HS3ST5: variants seen among roughly 807,000 people sequenced by gnomAD.
HS3ST5 encodes the protein heparan sulfate-glucosamine 3-sulfotransferase 5, also known as heparan sulfate glucosamine 3-O-sulfotransferase 5.
A neutral mutation model predicts 25.4 loss-of-function variants in HS3ST5; 10 were observed. That is an observed-to-expected ratio of 0.39 (90% CI 0.24 to 0.67). The LOEUF (loss-of-function observed/expected upper bound fraction) is 0.67. HS3ST5 is among the 30% of genes least tolerant of loss of function. HS3ST5 has a pLI of 0.44. For missense variants in HS3ST5, 324 were observed against 420.7 expected (o/e 0.77, Z 2.01); for synonymous variants, 170 against 162.4 (o/e 1.05, Z -0.36).
At chr6:114,254,308 C>G (rs983182486) in intron 1 of HS3ST5, among the ~76,000 whole-genome samples, 3 of 152,182 alleles carry the variant, frequency 2.0e-5, no homozygotes, top group Non-Finnish European at 4.4e-5. Flanking sequence ...TTCAACATGG[C>G]TTCAAAATAG....
intron 2 of HS3ST5, among the ~76,000 whole-genome samples, chr6:114,185,976 TG>T (rs1243777756): frequency 1.3e-5 from 2 of 152,138 alleles, no homozygotes; most frequent in African/African-American, 4.8e-5. Context: ...ATGTTACTAC[TG>T]TAATTATTTT....
Position 114,057,426 on chromosome 6 carries a change from C to T in HS3ST5, c.872G>A (p.Gly291Glu). 6.2e-7 allele frequency: 1 copy of T among 1,614,130 alleles called. No homozygotes were observed. Among genetic ancestry groups the T allele is most frequent in the Non-Finnish European group, 8.5e-7 (1 of 1,180,032 alleles). The change falls in exon 5 of 5, where the codon GGG (glycine) becomes GAG (glutamate). Residue 291 changes from glycine (G) to glutamate (E), a missense_variant. Around this residue, in one of 2 missense-constraint regions of HS3ST5, gnomAD observed 203 missense variants for 303.4 expected, o/e 0.67. Transcript: ENST00000312719. ...AATATTAAACCGCAAGCAGTAAAAC[C>T]CTCTGGTAGCATTGAAGTATAAATT... is the stretch of plus-strand genomic sequence containing the variant. Reference protein sequence around the residue: ...QYNLYFNATRGFYCLRFNIIF... With the variant: ...QYNLYFNATREFYCLRFNIIF...
chr6:114,066,966 A>T (rs577002900), intron 3 of HS3ST5, among the ~76,000 whole-genome samples: 1 of 152,306 alleles, frequency 6.6e-6, no homozygotes, highest in African/African-American at 2.4e-5. Context: ...CTGAGGTCCC[A>T]GTGTGGACAG....
chr6:114,058,447 T>C (rs3749862), intron 4 of HS3ST5, among the ~76,000 whole-genome samples: 14,196 of 152,278 alleles, frequency 0.093, 786 homozygotes, highest in East Asian at 0.23. Context: ...CTACGGCGTG[T>C]ACTTCTGTTT....
rs137997058 is a variant in HS3ST5, at chr6:114,095,716, T to C, written c.-32-32839A>G. 2.0e-5 allele frequency among the ~76,000 whole-genome samples: 3 copies of C among 152,154 alleles called. No individual in the cohort carries two copies. In the East Asian group the frequency reaches 5.8e-4, roughly 29 times the overall value. The stretch of plus-strand genomic sequence containing the variant: ...TGTTCACTCTGACTTGGAATCTTAT[T>C]CCCCCTCTAATTTATCCTCACGTCT... On this transcript the variant is annotated intron_variant, in intron 3 of 4. Coordinates refer to ENST00000312719, the MANE Select transcript of HS3ST5 (RefSeq NM_153612.4).
In HS3ST5 at chr6:114,058,054, G is replaced by C. The variant is rs544926335; in HGVS notation, c.244C>G (p.Arg82Gly). 101 of 1,614,042 alleles carry C rather than the reference G, an allele frequency of 6.3e-5. No homozygotes were observed. The highest frequency in any genetic ancestry group is 8.3e-5 in the Non-Finnish European group (98 of 1,180,042). Residue 82 changes from arginine to glycine, a missense_variant, in exon 5 of 5, where the codon CGC becomes GGC. By Grantham distance (125) the Arg-to-Gly change is moderately radical. Transcript: ENST00000312719. ...AGCTGCTGGACCAGGTCATGGAGGC[G>C]AACCTGCTCCTTGGAAGCGTTGCCC... ...RKGNASKEQV[R>G]LHDLVQQLPK... is the part of the protein sequence containing the mutation.
intron 2 of HS3ST5, among the ~76,000 whole-genome samples, chr6:114,171,348 G>C (rs1416927253): frequency 2.0e-5 from 3 of 152,156 alleles, no homozygotes; most frequent in African/African-American, 7.2e-5. Context: ...TAAACAAACA[G>C]TTTAAATAGT....
At chr6:114,169,581 G>A (rs2115000497) in intron 2 of HS3ST5, among the ~76,000 whole-genome samples, 1 of 152,190 alleles carries the variant, frequency 6.6e-6, no homozygotes, top group South Asian at 2.1e-4. Flanking sequence ...TGGCTCCTTT[G>A]CTTGTGAGAA....
intron 1 of HS3ST5, among the ~76,000 whole-genome samples, chr6:114,285,978 T>TA (rs1265192452): frequency 2.6e-5 from 4 of 151,636 alleles, no homozygotes; most frequent in South Asian, 2.1e-4. Flanking sequence ...TCCCATTTAT[T>TA]AAAAAAAATC....
chr6:114,072,820 G>T lies in HS3ST5; in HGVS notation c.-32-9943C>A, dbSNP rs906828281. Reference sequence around the variant, plus strand: ...GTAAATTTCATATGGAATCAAAAAAGAGCCCACATAGCCAAGACAATCCTA... The same window carrying T: ...GTAAATTTCATATGGAATCAAAAAATAGCCCACATAGCCAAGACAATCCTA... On this transcript the variant is annotated intron_variant, in intron 3 of 4. Coordinates refer to ENST00000312719, the MANE Select transcript of HS3ST5 (RefSeq NM_153612.4). 3.9e-5 allele frequency among the ~76,000 whole-genome samples: 6 copies of T among 152,258 alleles called. No homozygotes were observed. In the East Asian group the frequency reaches 7.7e-4, roughly 20 times the overall value.
At chr6:114,186,812 T>C (rs1225350086) in intron 2 of HS3ST5, among the ~76,000 whole-genome samples, 1 of 152,226 alleles carries the variant, frequency 6.6e-6, no homozygotes, top group African/African-American at 2.4e-5. Context: ...CTGCCTCTCG[T>C]ATTAGGGGCT....
chr6:114,331,177 A>G (rs1341226683), intron 1 of HS3ST5, among the ~76,000 whole-genome samples: 1 of 152,218 alleles, frequency 6.6e-6, no homozygotes, highest in Non-Finnish European at 1.5e-5. Context: ...AGATAATAAA[A>G]CTAGGCCCTT....
chr6:114,096,202 A>G (rs539403503), intron 3 of HS3ST5, among the ~76,000 whole-genome samples: 2 of 152,288 alleles, frequency 1.3e-5, no homozygotes, highest in South Asian at 4.1e-4. Context: ...GTCCAAGGGA[A>G]CATCACCCTT....
At chr6:114,207,363 T>C (rs1325281849) in intron 2 of HS3ST5, among the ~76,000 whole-genome samples, 1 of 152,156 alleles carries the variant, frequency 6.6e-6, no homozygotes, top group Non-Finnish European at 1.5e-5. Context: ...GTGATATATA[T>C]TATGGACAAA....
chr6:114,159,635 G>A (rs1778847241), intron 3 of HS3ST5, among the ~76,000 whole-genome samples: 1 of 152,152 alleles, frequency 6.6e-6, no homozygotes. Context: ...TAGTTACACA[G>A]GCGGGCTCAC....
At chr6:114,278,350 G>T (rs1362838894) in intron 1 of HS3ST5, among the ~76,000 whole-genome samples, 3 of 151,628 alleles carry the variant, frequency 2.0e-5, no homozygotes, top group African/African-American at 7.3e-5. Context: ...CTGCCTTAAG[G>T]TTACATTTTC....
chr6:114,258,863 T>C (rs1370829637), intron 1 of HS3ST5, among the ~76,000 whole-genome samples: 1 of 152,160 alleles, frequency 6.6e-6, no homozygotes, highest in East Asian at 1.9e-4. Flanking sequence ...TCCAGGTTAT[T>C]TGAAATTATA....
At chr6:114,084,109 G>T (rs1279246950) in intron 3 of HS3ST5, 104 of 452,692 alleles carry the variant, frequency 2.3e-4, no homozygotes, top group South Asian at 4.8e-4. Flanking sequence ...TTTAGAAACT[G>T]ATGTTTATTT....
At chr6:114,121,649 T>G (rs1776791793) in intron 3 of HS3ST5, among the ~76,000 whole-genome samples, 1 of 152,146 alleles carries the variant, frequency 6.6e-6, no homozygotes, top group Non-Finnish European at 1.5e-5. Flanking sequence ...AAAAGAATAT[T>G]TACAAATAAT....
Sources: allele counts gnomAD v4.1 joint callset (sites outside exome capture counted in the v4.1 genomes callset), GRCh38; gene constraint gnomAD v4.1.1; regional missense constraint gnomAD v4.1.1; transcripts MANE v1.5; gene names NCBI Gene and HGNC (gene_info 2026-07-23, HGNC 2026-07-21).